CMIP: variants seen among roughly 807,000 people sequenced by gnomAD.
CMIP encodes C-Maf-inducing protein.
A neutral mutation model predicts 97.3 loss-of-function variants in CMIP; 13 were observed. That is an observed-to-expected ratio of 0.13 (90% CI 0.09 to 0.21). The LOEUF (loss-of-function observed/expected upper bound fraction) is 0.21, where lower values mean the gene tolerates loss of function less well. CMIP is among the 10% of genes least tolerant of loss of function. The pLI is 1.00. For missense variants in CMIP, 847 were observed against 1,024.9 expected (o/e 0.83, Z 2.37); for synonymous variants, 538 against 436.3 (o/e 1.23, Z -2.91).
chr16:81,634,100 A>G (rs1270800021), intron 3 of CMIP, among the ~76,000 whole-genome samples: 1 of 152,238 alleles, frequency 6.6e-6, no homozygotes, highest in Non-Finnish European at 1.5e-5. Flanking sequence ...GCCAGTCTTC[A>G]GTTTCACAAA....
rs146705357 is a variant in CMIP, at chr16:81,506,101, C to T, written c.300+60560C>T. 6.1e-3 allele frequency among the ~76,000 whole-genome samples: 928 copies of T among 152,330 alleles called. 14 individuals are homozygous for T. The highest frequency in any genetic ancestry group is 0.011 in the South Asian group (53 of 4,828). On this transcript the variant is annotated intron_variant, in intron 1 of 20. Transcript: ENST00000537098. Reference sequence around the variant, plus strand: ...GTTTACACACGTTGTCTCTATTCATCCTCCTGCAACCCTAACAGGTGGGAC... The same window carrying T: ...GTTTACACACGTTGTCTCTATTCATTCTCCTGCAACCCTAACAGGTGGGAC...
intron 1 of CMIP, among the ~76,000 whole-genome samples, chr16:81,471,777 G>A (rs138793375): frequency 7.2e-4 from 110 of 152,274 alleles, no homozygotes; most frequent in Non-Finnish European, 1.4e-3. Context: ...ATGATACCAT[G>A]GCAGTGGAAT....
chr16:81,579,585 G>A (rs1310784568), intron 1 of CMIP, among the ~76,000 whole-genome samples: 1 of 152,034 alleles, frequency 6.6e-6, no homozygotes, highest in Admixed American at 6.5e-5. Context: ...ACCATAGCAG[G>A]TGTGGAAGAG....
chr16:81,681,104 G>T (rs536218774), intron 10 of CMIP, among the ~76,000 whole-genome samples: 229 of 152,332 alleles, frequency 1.5e-3, no homozygotes, highest in Non-Finnish European at 2.7e-3. Context: ...GCCAGGACGG[G>T]TTCCCGATGG....
In CMIP at chr16:81,654,148, G is replaced by A. The variant is rs549821188; in HGVS notation, c.639+1784G>A. On this transcript the variant is annotated intron_variant, in intron 4 of 20. Transcript: ENST00000537098. ...AGGGCAGCAGACGTGCCCCATTGCC[G>A]GCCTCGGGCAAGATTTTTTTTCCCC... Among the ~76,000 whole-genome samples the A allele has an allele frequency of 1.2e-4, 18 of 152,278 alleles. No individual in the cohort carries two copies. In the East Asian group the frequency reaches 3.3e-3, roughly 28 times the overall value.
At chr16:81,489,052 C>T (rs1255047816) in intron 1 of CMIP, among the ~76,000 whole-genome samples, 1 of 151,734 alleles carries the variant, frequency 6.6e-6, no homozygotes, top group Non-Finnish European at 1.5e-5. Context: ...GTTATTCATT[C>T]ATTTTTCAGT....
Position 81,629,490 on chromosome 16 carries a change from G to GT in CMIP, c.477+8566dup, listed in dbSNP as rs532770066. On this transcript the variant is annotated intron_variant, in intron 3 of 20. Transcript: ENST00000537098. ...TCATCCCTTGGTCTTGAGGGAAGAC[G>GT]TTGCCCTTGAACCCCACCCCACCTC... 3.8e-4 allele frequency among the ~76,000 whole-genome samples: 58 copies of GT among 152,292 alleles called. 1 individual carries two copies. The South Asian group carries it at 0.011, about 30-fold the overall frequency.
Position 81,453,466 on chromosome 16 carries a change from G to A in CMIP, c.300+7925G>A, listed in dbSNP as rs1225482278. 6.6e-6 allele frequency among the ~76,000 whole-genome samples: 1 copy of A among 152,194 alleles called. No homozygotes were observed. The highest frequency in any genetic ancestry group is 1.9e-4 in the East Asian group (1 of 5,196). ...GCTTCTCTGGGTGTCCTGGGCCAGT[G>A]CCAGTTTCCTTAGAGGTCCAGGATA... On this transcript the variant is annotated intron_variant, in intron 1 of 20. Coordinates refer to ENST00000537098, the MANE Select transcript of CMIP (RefSeq NM_198390.3). This position sits in a 1 kb window ranked among gnomAD's most constrained non-coding sequence, Gnocchi z 4.0.
intron 1 of CMIP, among the ~76,000 whole-genome samples, chr16:81,546,866 C>G (rs780930984): frequency 6.6e-6 from 1 of 152,288 alleles, no homozygotes; most frequent in East Asian, 1.9e-4. Flanking sequence ...TTGTGAGGCA[C>G]GTAGCCACAC....
chr16:81,486,370 C>T (rs1412970884), intron 1 of CMIP, among the ~76,000 whole-genome samples: 1 of 152,152 alleles, frequency 6.6e-6, no homozygotes, highest in Non-Finnish European at 1.5e-5. Flanking sequence ...ATGATCGCGC[C>T]CATTTGACAG....
At chr16:81,699,919 C>T (rs2151094399) in intron 15 of CMIP, 118 bp downstream of exon 15, 8 of 662,892 alleles carry the variant, frequency 1.2e-5, no homozygotes, top group South Asian at 3.5e-5. Context: ...GTGGGTGAGG[C>T]GTGCAGTCCC....
intron 1 of CMIP, among the ~76,000 whole-genome samples, chr16:81,496,323 C>G (rs1273520951): frequency 6.6e-6 from 1 of 152,146 alleles, no homozygotes; most frequent in Non-Finnish European, 1.5e-5. Flanking sequence ...GTGAACAAAA[C>G]AGACCCCCTT....
At chr16:81,637,583 G>T (rs533466740) in intron 3 of CMIP, among the ~76,000 whole-genome samples, 109 of 152,192 alleles carry the variant, frequency 7.2e-4, no homozygotes, top group Non-Finnish European at 1.3e-3. Flanking sequence ...CTCATAAGAA[G>T]CGGAAAAGAA....
rs1235792739 is a variant in CMIP at position 81,444,884 on chromosome 16, G to A, written c.-358G>A. Among the ~76,000 whole-genome samples the A allele has an allele frequency of 1.1e-5, 1 of 88,022 alleles. No homozygotes were observed. Among genetic ancestry groups the A allele is most frequent in the Non-Finnish European group, 2.4e-5 (1 of 41,452 alleles). The allele number at this position is 88,022 out of a possible 152,430, so 57.7% of individuals were successfully genotyped here. ...CGGCGCGGGGCCCCGAGACACGCCC[G>A]CCCCCACCCCGCCGCCCCCACCCCG... On this transcript the variant is annotated 5_prime_UTR_variant, in exon 1 of 21. Coordinates refer to ENST00000537098, the MANE Select transcript of CMIP (RefSeq NM_198390.3).
At chr16:81,500,790 G>A (rs927518144) in intron 1 of CMIP, among the ~76,000 whole-genome samples, 9 of 150,342 alleles carry the variant, frequency 6.0e-5, no homozygotes, top group Admixed American at 2.6e-4. Flanking sequence ...TGCCCTCCCC[G>A]GCCCACTGTT....
In CMIP at chr16:81,456,161, A is replaced by G. The variant is rs551756176; in HGVS notation, c.300+10620A>G. Among the ~76,000 whole-genome samples, 543 of 152,318 alleles carry G rather than the reference A, an allele frequency of 3.6e-3. 5 individuals are homozygous for G. The highest frequency in any genetic ancestry group is 0.011 in the African/African-American group (477 of 41,562). ...GAACTGTCCCAGCAGGCTGGTGGCA[A>G]CTGAGCTCGGGGAGTCCCAGCAGGG... On this transcript the variant is annotated intron_variant, in intron 1 of 20. Coordinates refer to ENST00000537098, the MANE Select transcript of CMIP (RefSeq NM_198390.3).
chr16:81,577,986 A>G (rs1287215998), intron 1 of CMIP, among the ~76,000 whole-genome samples: 3 of 150,154 alleles, frequency 2.0e-5, no homozygotes, highest in Non-Finnish European at 4.4e-5. Context: ...CACTATCACC[A>G]TCACCATCAT....
rs1905412846 is a variant in CMIP, at chr16:81,686,562, C to G, written c.1389-5213C>G. On this transcript the variant is annotated intron_variant, in intron 10 of 20. Transcript: ENST00000537098. The stretch of plus-strand genomic sequence containing the variant: ...GCAGTGAGTAAGCGGTCGCTGGCAT[C>G]ACTGTCAGGACTTATCTCAGGCAAC... 2.0e-5 allele frequency among the ~76,000 whole-genome samples: 3 copies of G among 152,270 alleles called. No individual in the cohort carries two copies. In the South Asian group the frequency reaches 6.2e-4, roughly 32 times the overall value.
At chr16:81,518,528 C>G (rs1053386758) in intron 1 of CMIP, 1 of 152,320 alleles carries the variant, frequency 6.6e-6, no homozygotes, top group African/African-American at 2.4e-5. Flanking sequence ...AAGTGATGTA[C>G]GCTGAGAACC....
Sources: allele counts gnomAD v4.1 joint callset (sites outside exome capture counted in the v4.1 genomes callset), GRCh38; gene constraint gnomAD v4.1.1; non-coding constraint Gnocchi (gnomAD v3.1); transcripts MANE v1.5; gene names NCBI Gene and HGNC (gene_info 2026-07-23, HGNC 2026-07-21).